Variants in ARFIP1 observed in about 807,000 individuals in gnomAD.
ARFIP1 encodes the protein ARF interacting protein 1, also known as arfaptin-1.
A neutral mutation model predicts 42.5 loss-of-function variants in ARFIP1; 24 were observed. The observed-to-expected ratio is 0.57, with a 90% CI of 0.41 to 0.80. ARFIP1 has a LOEUF of 0.80. Ranked by LOEUF, ARFIP1 falls within the 30% of genes least tolerant of loss-of-function variation. ARFIP1 has a pLI of 0.00. For missense variants in ARFIP1, 354 were observed against 434.0 expected (o/e 0.82, Z 1.64); for synonymous variants, 141 against 153.7 (o/e 0.92, Z 0.61).
At chr4:152,895,389 A>G (rs954712088) in intron 8 of ARFIP1, among the ~76,000 whole-genome samples, 2 of 151,720 alleles carry the variant, frequency 1.3e-5, no homozygotes, top group Non-Finnish European at 2.9e-5. Context: ...TTTTATTTGT[A>G]TTTATTTAGT....
intron 1 of ARFIP1, chr4:152,796,143 G>C (rs1186925966): frequency 1.3e-6 from 1 of 745,942 alleles, no homozygotes; most frequent in African/African-American, 1.7e-5. Context: ...AAATAACTTT[G>C]CCTCCCTGTG....
chr4:152,869,503 G>T, intron 3 of ARFIP1, among the ~76,000 whole-genome samples: 1 of 150,962 alleles, frequency 6.6e-6, no homozygotes. Context: ...AGGTTGGAGT[G>T]CAGTGGTGCG....
rs576057509 is a variant in ARFIP1 at position 152,796,297 on chromosome 4, A to G, written c.-10+16071A>G. 6.7e-4 allele frequency: 662 copies of G among 983,154 alleles called. 3 individuals are homozygous for G. The African/African-American group carries it at 9.5e-3, about 14-fold the overall frequency. The allele number at this position is 983,154 out of a possible 1,614,324, so 60.9% of individuals were successfully genotyped here. On this transcript the variant is annotated intron_variant, in intron 1 of 8. Transcript: ENST00000353617. ...TGGCTTTCAGTTCAGGTTGTGTTACATGGACTTTCTTGAAATGCAAGCCCA... is the reference window on the plus strand; with the variant it reads ...TGGCTTTCAGTTCAGGTTGTGTTACGTGGACTTTCTTGAAATGCAAGCCCA...
intron 1 of ARFIP1, among the ~76,000 whole-genome samples, chr4:152,829,338 A>C (rs185777091): frequency 6.6e-6 from 1 of 151,992 alleles, no homozygotes; most frequent in Non-Finnish European, 1.5e-5. Context: ...TTTTTTTCCA[A>C]TTGTAAGTGG....
At chr4:152,806,274 A>G (rs994233506) in intron 1 of ARFIP1, among the ~76,000 whole-genome samples, 1 of 152,180 alleles carries the variant, frequency 6.6e-6, no homozygotes, top group Non-Finnish European at 1.5e-5. Flanking sequence ...AGAGAGTATT[A>G]GTGTAATTTA....
chr4:152,795,796 G>A (rs549504105), intron 1 of ARFIP1, among the ~76,000 whole-genome samples: 3 of 104,738 alleles, frequency 2.9e-5, no homozygotes, highest in African/African-American at 1.1e-4. Context: ...GAATTTGAGC[G>A]ATTGTTACTT....
At chr4:152,848,799 C>A (rs1243186189) in intron 2 of ARFIP1, among the ~76,000 whole-genome samples, 2 of 152,198 alleles carry the variant, frequency 1.3e-5, no homozygotes, top group East Asian at 1.9e-4. Context: ...AAGTTGACAT[C>A]TTTTCTCCTT....
At chr4:152,841,512 TTC>T (rs1732074874) in intron 2 of ARFIP1, among the ~76,000 whole-genome samples, 1 of 152,186 alleles carries the variant, frequency 6.6e-6, no homozygotes, top group South Asian at 2.1e-4. Context: ...TTTAAAGAGG[TTC>T]TGTTTTGATG....
chr4:152,804,017 ATT>A (rs1491516125), intron 1 of ARFIP1, among the ~76,000 whole-genome samples: 5 of 135,046 alleles, frequency 3.7e-5, no homozygotes, highest in East Asian at 2.0e-4. Context: ...TAATATATAT[ATT>A]ATATATAATA....
intron 8 of ARFIP1, among the ~76,000 whole-genome samples, chr4:152,893,233 T>A (rs977003025): frequency 3.9e-5 from 6 of 152,292 alleles, no homozygotes; most frequent in Admixed American, 3.3e-4. Context: ...AGGAAGTGAA[T>A]GAAAGTCAAC....
intron 1 of ARFIP1, among the ~76,000 whole-genome samples, chr4:152,812,251 G>T (rs1175372222): frequency 6.6e-6 from 1 of 152,226 alleles, no homozygotes; most frequent in Non-Finnish European, 1.5e-5. Context: ...CGGGAGTGCA[G>T]TGGCACGATC....
chr4:152,904,198 A>ATATATATATTTT (rs36085096), intron 8 of ARFIP1, among the ~76,000 whole-genome samples: 1 of 126,702 alleles, frequency 7.9e-6, no homozygotes, highest in African/African-American at 3.3e-5. Flanking sequence ...ATATATATAT[A>ATATATATATTTT]TTTTTTTTTT....
intron 2 of ARFIP1, among the ~76,000 whole-genome samples, chr4:152,846,287 C>G (rs1732532255): frequency 6.6e-6 from 1 of 152,084 alleles, no homozygotes; most frequent in Non-Finnish European, 1.5e-5. Flanking sequence ...CAATGGTACC[C>G]CAAACCTCAG....
chr4:152,785,883 T>C (rs1225926952), intron 1 of ARFIP1, among the ~76,000 whole-genome samples: 1 of 152,238 alleles, frequency 6.6e-6, no homozygotes, highest in African/African-American at 2.4e-5. Context: ...GTCAGTATCA[T>C]ATGTGGCTGG....
At chr4:152,823,744 T>C (rs1578873868) in intron 1 of ARFIP1, among the ~76,000 whole-genome samples, 2 of 111,894 alleles carry the variant, frequency 1.8e-5, no homozygotes, top group Admixed American at 1.4e-4. Context: ...ACCACTACAC[T>C]CCAGCCTGGG....
intron 2 of ARFIP1, among the ~76,000 whole-genome samples, chr4:152,844,273 C>T (rs1732359524): frequency 6.6e-6 from 1 of 152,292 alleles, no homozygotes; most frequent in East Asian, 1.9e-4. Flanking sequence ...TGAGGTGTCT[C>T]CTGGGTCCTC....
chr4:152,839,530 G>A (rs1245961146), intron 2 of ARFIP1, among the ~76,000 whole-genome samples: 4 of 152,112 alleles, frequency 2.6e-5, no homozygotes, highest in African/African-American at 9.7e-5. Flanking sequence ...TTCCAGAAAT[G>A]TATCCACCTC....
intron 1 of ARFIP1, among the ~76,000 whole-genome samples, chr4:152,810,825 A>T (rs1429572554): frequency 6.6e-6 from 1 of 152,050 alleles, no homozygotes; most frequent in African/African-American, 2.4e-5. Context: ...AAAAAAAAAG[A>T]TGGTGTGCTA....
intron 1 of ARFIP1, among the ~76,000 whole-genome samples, chr4:152,799,974 C>CCAAGCAA (rs1389236974): frequency 1.3e-5 from 2 of 152,126 alleles, no homozygotes; most frequent in African/African-American, 2.4e-5. Context: ...ATTGATTGTT[C>CCAAGCAA]ATACTTGTCT....
Sources: gnomAD v4.1 joint callset for allele counts (sites outside exome capture counted in the v4.1 genomes callset) on GRCh38, gnomAD v4.1.1 for gene constraint, MANE v1.5 for transcripts, NCBI Gene and HGNC (gene_info 2026-07-23, HGNC 2026-07-21) for gene names.